MSRA: variants seen among roughly 807,000 people sequenced by gnomAD.
MSRA encodes mitochondrial peptide methionine sulfoxide reductase.
In MSRA, 54 loss-of-function variants were observed where a neutral mutation model predicts 31.3. That is an observed-to-expected ratio of 1.73 (90% CI 1.39 to 2.17). The LOEUF (loss-of-function observed/expected upper bound fraction) is 2.17. Ranked by LOEUF, MSRA falls within the 30% of genes most tolerant of loss-of-function variation. The probability of loss-of-function intolerance (pLI) is 0.00; values close to 1 mark genes in which losing one functional copy is unlikely to be tolerated. For synonymous variants in MSRA, 169 were observed against 116.5 expected (o/e 1.45, Z -2.90); for missense variants, 507 against 300.9 (o/e 1.69, Z -5.07).
In MSRA at chr8:10,315,691, C is replaced by T. The variant is rs994487279; in HGVS notation, c.437-4192C>T. Among the ~76,000 whole-genome samples, 3 of 152,294 alleles carry T rather than the reference C, an allele frequency of 2.0e-5. No homozygotes were observed. The East Asian group carries it at 5.8e-4, about 29-fold the overall frequency. On this transcript the variant is annotated intron_variant, in intron 4 of 5. Transcript: ENST00000317173. ...TTCAATGTAAGCATGTTGTAAATCT[C>T]ATATAGTGGGGCACTTTGGCTGTAA...
At chr8:10,359,214 C>T (rs1037199122) in intron 5 of MSRA, among the ~76,000 whole-genome samples, 1 of 152,188 alleles carries the variant, frequency 6.6e-6, no homozygotes, top group African/African-American at 2.4e-5. Context: ...GACTCCTCTT[C>T]TCCATTGATT....
chr8:10,390,170 G>C (rs1469210482), intron 5 of MSRA, among the ~76,000 whole-genome samples: 1 of 152,220 alleles, frequency 6.6e-6, no homozygotes, highest in African/African-American at 2.4e-5. Flanking sequence ...CTGTACCTTG[G>C]GGAGTGCTCG....
intron 1 of MSRA, among the ~76,000 whole-genome samples, chr8:10,197,847 T>C (rs1250662648): frequency 6.6e-6 from 1 of 152,160 alleles, no homozygotes; most frequent in Admixed American, 6.5e-5. Flanking sequence ...TGAGTGTGCG[T>C]CACTTGGGGC....
At chr8:10,200,305 G>A (rs977305021) in intron 1 of MSRA, among the ~76,000 whole-genome samples, 1 of 152,210 alleles carries the variant, frequency 6.6e-6, no homozygotes, top group African/African-American at 2.4e-5. Context: ...TTGTCCAATT[G>A]TCCTCTGTTT....
rs1806778600 is a variant in MSRA at position 10,391,994 on chromosome 8, C to G, written c.544-36154C>G. Among the ~76,000 whole-genome samples the G allele has an allele frequency of 2.0e-5, 3 of 152,286 alleles. No homozygotes were observed. In the South Asian group the frequency reaches 6.2e-4, roughly 32 times the overall value. On this transcript the variant is annotated intron_variant, in intron 5 of 5. Transcript: ENST00000317173. The stretch of plus-strand genomic sequence containing the variant: ...TGGTATTTTAGGCCTAGACTTCAGA[C>G]TCTTATATTTGAAAGAAGTCACTGT...
chr8:10,161,824 G>A (rs1050264474), intron 1 of MSRA, among the ~76,000 whole-genome samples: 2 of 150,054 alleles, frequency 1.3e-5, no homozygotes, highest in Non-Finnish European at 2.9e-5. Context: ...CGTGAATCCC[G>A]CCCCGCCCCT....
chr8:10,149,376 G>C (rs535851049), intron 1 of MSRA, among the ~76,000 whole-genome samples: 1 of 152,066 alleles, frequency 6.6e-6, no homozygotes, highest in South Asian at 2.1e-4. Context: ...CGCCCGCCTC[G>C]GCCTCCCAAA....
At chr8:10,192,205 C>A (rs1004373216) in intron 1 of MSRA, among the ~76,000 whole-genome samples, 1 of 152,198 alleles carries the variant, frequency 6.6e-6, no homozygotes, top group Non-Finnish European at 1.5e-5. Flanking sequence ...CTGTTGTGTT[C>A]TGTTTAGTAG....
At chr8:10,372,146 T>C (rs909225765) in intron 5 of MSRA, among the ~76,000 whole-genome samples, 1 of 152,316 alleles carries the variant, frequency 6.6e-6, no homozygotes, top group Admixed American at 6.5e-5. Flanking sequence ...TCGTTAGCTC[T>C]TCTCACCAGG....
intron 5 of MSRA, among the ~76,000 whole-genome samples, chr8:10,408,768 TA>T (rs1176716125): frequency 1.8e-5 from 2 of 110,808 alleles, no homozygotes; most frequent in African/African-American, 7.1e-5. Flanking sequence ...CTCCAGTAAC[TA>T]TTATGTTCTT....
At chr8:10,365,883 C>A (rs372472740) in intron 5 of MSRA, among the ~76,000 whole-genome samples, 255 of 152,348 alleles carry the variant, frequency 1.7e-3, no homozygotes, top group Middle Eastern at 3.4e-3. Flanking sequence ...TGGCTCCAGG[C>A]ATCTCGTTCT....
chr8:10,359,070 A>T (rs1346582665), intron 5 of MSRA, among the ~76,000 whole-genome samples: 2 of 152,144 alleles, frequency 1.3e-5, no homozygotes, highest in African/African-American at 4.8e-5. Flanking sequence ...TTGTCCATGG[A>T]TTGATAGTGT....
chr8:10,310,269 C>A (rs1801364076), intron 4 of MSRA, among the ~76,000 whole-genome samples: 1 of 152,140 alleles, frequency 6.6e-6, no homozygotes, highest in Non-Finnish European at 1.5e-5. Flanking sequence ...CTACCCAAAC[C>A]CAGCATTATG....
intron 1 of MSRA, among the ~76,000 whole-genome samples, chr8:10,155,548 C>G (rs1420180682): frequency 1.3e-5 from 2 of 152,128 alleles, no homozygotes; most frequent in Non-Finnish European, 2.9e-5. Context: ...ATGCCCAGAT[C>G]TTCGTTTCTG....
intron 1 of MSRA, among the ~76,000 whole-genome samples, chr8:10,173,625 C>T (rs1805790091): frequency 6.6e-6 from 1 of 152,194 alleles, no homozygotes; most frequent in Non-Finnish European, 1.5e-5. Flanking sequence ...GGCCCCATGC[C>T]CAGGAATCTT....
chr8:10,233,222 C>G (rs1025143108), intron 2 of MSRA, among the ~76,000 whole-genome samples: 1 of 152,230 alleles, frequency 6.6e-6, no homozygotes, highest in East Asian at 1.9e-4. Context: ...CCTGGAAACT[C>G]TAATCACCTT....
intron 1 of MSRA, among the ~76,000 whole-genome samples, chr8:10,194,867 A>G (rs938715383): frequency 2.0e-5 from 3 of 152,228 alleles, no homozygotes; most frequent in African/African-American, 7.2e-5. Flanking sequence ...CCAGGTGTTC[A>G]CTGGGGGAGC....
intron 1 of MSRA, among the ~76,000 whole-genome samples, chr8:10,093,168 GT>G (rs1798943175): frequency 6.6e-6 from 1 of 152,092 alleles, no homozygotes; most frequent in South Asian, 2.1e-4. Context: ...TAATTGGAGT[GT>G]TTAATTCATT....
chr8:10,388,072 A>G (rs1806504140), intron 5 of MSRA, among the ~76,000 whole-genome samples: 1 of 152,208 alleles, frequency 6.6e-6, no homozygotes, highest in Non-Finnish European at 1.5e-5. Flanking sequence ...ACAATTAACA[A>G]AGTAAATTTA....
Sources: gnomAD v4.1 joint callset for allele counts (sites outside exome capture counted in the v4.1 genomes callset) on GRCh38, gnomAD v4.1.1 for gene constraint, MANE v1.5 for transcripts, NCBI Gene and HGNC (gene_info 2026-07-23, HGNC 2026-07-21) for gene names.